ROBO1: variants seen among roughly 807,000 people sequenced by gnomAD.
ROBO1 encodes roundabout homolog 1.
Under a neutral mutation model 195.9 loss-of-function variants are expected in ROBO1, and 149 were observed. The ratio of observed to expected loss-of-function variants is 0.76; its 90% confidence interval spans 0.67 to 0.87. ROBO1 has a LOEUF of 0.87. Among genes scored for constraint, ROBO1 ranks in the 40% least tolerant of loss-of-function variants. The pLI, the probability that ROBO1 is intolerant of heterozygous loss-of-function variation, is 0.00. For missense variants in ROBO1, 1,933 were observed against 2,068.3 expected, an observed-to-expected ratio of 0.93 and a Z score of 1.27; for synonymous variants, 816 against 733.2, an observed-to-expected ratio of 1.11 and a Z score of -1.82.
intron 2 of ROBO1, chr3:79,527,820 C>T (rs1329280068): frequency 6.6e-6 from 1 of 152,258 alleles, no homozygotes; most frequent in Non-Finnish European, 1.5e-5. Flanking sequence ...CGTTTTCTTA[C>T]CTCTAAAATA....
intron 2 of ROBO1, among the ~76,000 whole-genome samples, chr3:79,326,049 C>G (rs1477159650): frequency 2.0e-5 from 3 of 152,080 alleles, no homozygotes; most frequent in African/African-American, 7.2e-5. Context: ...AAATAGACCC[C>G]AGTCTCCCAT....
At chr3:78,749,923 A>G (rs1200937106) in intron 4 of ROBO1, among the ~76,000 whole-genome samples, 1 of 152,174 alleles carries the variant, frequency 6.6e-6, no homozygotes. Flanking sequence ...ATTTGAAAAG[A>G]GCAAGTAGCA....
At chr3:79,172,805 G>T (rs995199595) in intron 2 of ROBO1, among the ~76,000 whole-genome samples, 8 of 151,920 alleles carry the variant, frequency 5.3e-5, no homozygotes, top group African/African-American at 1.9e-4. Context: ...TACGACATTT[G>T]TTCTTTTAGT....
At chr3:78,882,115 C>T (rs1198513770) in intron 4 of ROBO1, among the ~76,000 whole-genome samples, 2 of 151,638 alleles carry the variant, frequency 1.3e-5, no homozygotes, top group Non-Finnish European at 2.9e-5. Context: ...TTTAAAGTTC[C>T]AAAATTCTAA....
intron 3 of ROBO1, among the ~76,000 whole-genome samples, chr3:78,946,989 T>C (rs927996799): frequency 9.2e-5 from 14 of 152,200 alleles, no homozygotes; most frequent in African/African-American, 3.1e-4. Context: ...TAAATATATA[T>C]GCACCCAATA....
intron 2 of ROBO1, among the ~76,000 whole-genome samples, chr3:79,243,745 A>G (rs909627345): frequency 9.8e-4 from 149 of 152,134 alleles, no homozygotes; most frequent in African/African-American, 3.5e-3. Flanking sequence ...TTGTCAGATG[A>G]GTAGATTGCA....
chr3:78,999,119 G>A lies in ROBO1; in HGVS notation c.173-60192C>T, dbSNP rs1011575738. On this transcript the variant is annotated intron_variant, in intron 3 of 30. Coordinates refer to ENST00000464233, the MANE Select transcript of ROBO1 (RefSeq NM_002941.4). The stretch of plus-strand genomic sequence containing the variant: ...GAACACTTATTATACACTGTTGGTG[G>A]GAATGTAAATTAGTGGAGATACCGT... 2.0e-4 allele frequency among the ~76,000 whole-genome samples: 31 copies of A among 151,976 alleles called. 1 individual carries two copies. The highest frequency in any genetic ancestry group is 1.5e-5 in the Non-Finnish European group (1 of 67,998).
At chr3:79,177,913 C>T (rs1489652586) in intron 2 of ROBO1, among the ~76,000 whole-genome samples, 1 of 152,134 alleles carries the variant, frequency 6.6e-6, no homozygotes, top group South Asian at 2.1e-4. Context: ...CTTCAATTTC[C>T]TTTTCAGAAT....
chr3:78,946,225 T>G (rs1452484288), intron 3 of ROBO1, among the ~76,000 whole-genome samples: 1 of 152,082 alleles, frequency 6.6e-6, no homozygotes, highest in Non-Finnish European at 1.5e-5. Context: ...AATTGTCAGA[T>G]TCACCAAAGT....
intron 4 of ROBO1, among the ~76,000 whole-genome samples, chr3:78,825,444 A>C (rs2031502061): frequency 6.6e-6 from 1 of 152,190 alleles, no homozygotes; most frequent in African/African-American, 2.4e-5. Flanking sequence ...GGAGTTAGAA[A>C]TGTCCCAGTC....
rs191486058 is a variant in ROBO1 at position 79,335,472 on chromosome 3, G to A, written c.89-209933C>T. Among the ~76,000 whole-genome samples the A allele has an allele frequency of 5.5e-4, 83 of 152,190 alleles. 1 individual carries two copies. Among genetic ancestry groups the A allele is most frequent in the African/African-American group, 1.9e-3 (78 of 41,538 alleles). The stretch of plus-strand genomic sequence containing the variant: ...TTCTCATGATAGTAACTGAGGTCTC[G>A]TGTGATCTGAATTGTTTTATTAGGA... On this transcript the variant is annotated intron_variant, in intron 2 of 30. Coordinates refer to ENST00000464233, the MANE Select transcript of ROBO1 (RefSeq NM_002941.4).
At chr3:78,822,256 G>A (rs771721621) in intron 4 of ROBO1, among the ~76,000 whole-genome samples, 2 of 152,016 alleles carry the variant, frequency 1.3e-5, no homozygotes, top group East Asian at 1.9e-4. Flanking sequence ...GTAGAGAAGC[G>A]GTGAAAACAA....
At chr3:79,226,924 C>T (rs1395170611) in intron 2 of ROBO1, among the ~76,000 whole-genome samples, 1 of 152,092 alleles carries the variant, frequency 6.6e-6, no homozygotes, top group Non-Finnish European at 1.5e-5. Context: ...AACAAGAGGG[C>T]TGCATCTACA....
At position 79,602,352 on chromosome 3, in the gene ROBO1, A is replaced by AT. The variant is rs555854838; in HGVS notation, c.-50-12392dup. On this transcript the variant is annotated intron_variant, in intron 1 of 30. Coordinates refer to ENST00000464233, the MANE Select transcript of ROBO1 (RefSeq NM_002941.4). ...AGGCTGTGCATGAAAGGTAGGGAAA[A>AT]TTTTTTCTGACTGTCAATTGTGTTG... 4.6e-5 allele frequency among the ~76,000 whole-genome samples: 7 copies of AT among 151,892 alleles called. No homozygotes were observed. The South Asian group carries it at 1.5e-3, about 31-fold the overall frequency.
intron 3 of ROBO1, among the ~76,000 whole-genome samples, chr3:79,036,695 G>T (rs1443018542): frequency 6.6e-6 from 1 of 151,980 alleles, no homozygotes; most frequent in African/African-American, 2.4e-5. Context: ...GTTTTATAAT[G>T]ACCCAAAGTA....
intron 2 of ROBO1, among the ~76,000 whole-genome samples, chr3:79,552,951 C>T (rs1942574617): frequency 6.6e-6 from 1 of 151,950 alleles, no homozygotes; most frequent in Admixed American, 6.6e-5. Context: ...TTGCTAAGGC[C>T]ATTATGGCTC....
intron 5 of ROBO1, among the ~76,000 whole-genome samples, chr3:78,746,415 AAC>A (rs776964841): frequency 6.6e-6 from 1 of 152,150 alleles, no homozygotes; most frequent in Non-Finnish European, 1.5e-5. Context: ...TTCTTTAATA[AAC>A]AGTTTTTACT....
chr3:78,939,377 G>T (rs2039998900), intron 3 of ROBO1, among the ~76,000 whole-genome samples: 1 of 151,956 alleles, frequency 6.6e-6, no homozygotes, highest in African/African-American at 2.4e-5. Context: ...CACTTTGGGG[G>T]GCCGAGGCGG....
At chr3:79,056,578 T>A (rs1273398211) in intron 3 of ROBO1, among the ~76,000 whole-genome samples, 1 of 152,080 alleles carries the variant, frequency 6.6e-6, no homozygotes, top group East Asian at 1.9e-4. Context: ...TTGGGTAACA[T>A]TAATTATTTA....
Sources: allele counts gnomAD v4.1 joint callset (sites outside exome capture counted in the v4.1 genomes callset), GRCh38; gene constraint gnomAD v4.1.1; transcripts MANE v1.5; gene names NCBI Gene and HGNC (gene_info 2026-07-23, HGNC 2026-07-21).